SV2C: variants seen among roughly 807,000 people sequenced by gnomAD.
The protein encoded by SV2C is solute carrier family 22 member B3.
SV2C carries 49 observed loss-of-function variants against 79.7 expected under a neutral mutation model. The ratio of observed to expected loss-of-function variants is 0.61; its 90% CI spans 0.49 to 0.78. The LOEUF (loss-of-function observed/expected upper bound fraction) is 0.78. Among genes scored for constraint, SV2C ranks in the 30% least tolerant of loss-of-function variants. The pLI, the probability that SV2C is intolerant of heterozygous loss-of-function variation, is 0.00. For missense variants in SV2C, 833 were observed against 912.9 expected, an observed-to-expected ratio of 0.91 and a Z score of 1.13; for synonymous variants, 334 against 333.2, an observed-to-expected ratio of 1.00 and a Z score of -0.03.
chr5:76,301,507 T>C lies in SV2C; in HGVS notation c.1962T>C (p.Leu654=), dbSNP rs765130888. 20 of 1,614,020 alleles carry C rather than the reference T, an allele frequency of 1.2e-5. No individual in the cohort carries two copies. The highest frequency in any genetic ancestry group is 1.6e-5 in the Non-Finnish European group (19 of 1,179,976). ...TGACCATCTCAGCCTGGAACTCTCT[T>C]GACGTGGTCACTGTGGAACTGTACC... ...NGLTISAWNS[L]DVVTVELYPT... is the part of the protein sequence containing the mutation. The change falls in exon 12 of 13, where the codon CTT becomes CTC. Residue 654 remains leucine, a synonymous_variant. Coordinates refer to ENST00000502798, the MANE Select transcript of SV2C (RefSeq NM_014979.4).
intron 4 of SV2C, among the ~76,000 whole-genome samples, chr5:76,282,792 T>G (rs982742844): frequency 6.6e-6 from 1 of 152,032 alleles, no homozygotes; most frequent in East Asian, 1.9e-4. Flanking sequence ...GGCGGATCAC[T>G]TGAGGTCAGG....
intron 8 of SV2C, among the ~76,000 whole-genome samples, chr5:76,295,467 C>G (rs558193296): frequency 3.9e-5 from 6 of 152,274 alleles, no homozygotes; most frequent in Admixed American, 1.3e-4. Context: ...TTTGGAAGGA[C>G]ACATTCAGAC....
chr5:76,142,934 G>C lies in SV2C; in HGVS notation c.580+10604G>C, dbSNP rs1749305061. Among the ~76,000 whole-genome samples, 7 of 144,672 alleles carry C rather than the reference G, an allele frequency of 4.8e-5. No individual in the cohort carries two copies. In the South Asian group the frequency reaches 1.6e-3, roughly 32 times the overall value. The allele number at this position is 144,672 out of a possible 152,430, so 94.9% of individuals were successfully genotyped here. Reference sequence around the variant, plus strand: ...TTTTGAGACGGAGTCTTGCTCTGTTGCCAGGCTAGAGTGCAGTGGTGCAAT... The same window carrying C: ...TTTTGAGACGGAGTCTTGCTCTGTTCCCAGGCTAGAGTGCAGTGGTGCAAT... On this transcript the variant is annotated intron_variant, in intron 2 of 12. Coordinates refer to ENST00000502798, the MANE Select transcript of SV2C (RefSeq NM_014979.4).
chr5:76,305,737 T>C (rs759989833), intron 12 of SV2C, among the ~76,000 whole-genome samples: 2 of 152,244 alleles, frequency 1.3e-5, no homozygotes, highest in African/African-American at 2.4e-5. Flanking sequence ...TTCCATTCTG[T>C]AAATGCCATC....
At chr5:76,024,808 T>C in the SV2C span, among the ~76,000 whole-genome samples, 6 of 152,120 alleles carry the variant, frequency 3.9e-5, no homozygotes, top group South Asian at 1.2e-3. Context: ...TATATGCAGG[T>C]TTTTAATCTG....
the SV2C span, among the ~76,000 whole-genome samples, chr5:75,993,254 C>G: frequency 2.0e-5 from 3 of 151,972 alleles, no homozygotes; most frequent in East Asian, 5.8e-4. Flanking sequence ...AATGTTTCAA[C>G]AAAAATTTGT....
chr5:75,927,142 A>C, the SV2C span, among the ~76,000 whole-genome samples: 1 of 152,112 alleles, frequency 6.6e-6, no homozygotes, highest in Non-Finnish European at 1.5e-5. Context: ...GGAGCTATGG[A>C]TCCTATAGAT....
the SV2C span, among the ~76,000 whole-genome samples, chr5:75,959,672 A>G: frequency 6.6e-6 from 1 of 151,966 alleles, no homozygotes; most frequent in Non-Finnish European, 1.5e-5. Context: ...TATTAAATCC[A>G]CAGAGATGAC....
At chr5:76,165,006 A>T (rs1344708474) in intron 2 of SV2C, among the ~76,000 whole-genome samples, 1 of 140,106 alleles carries the variant, frequency 7.1e-6, no homozygotes, top group African/African-American at 2.5e-5. Context: ...CAAGAAAAAA[A>T]AGTCTGTACA....
chr5:76,128,148 T>C (rs1440105786), intron 1 of SV2C, among the ~76,000 whole-genome samples: 2 of 152,206 alleles, frequency 1.3e-5, no homozygotes, highest in African/African-American at 2.4e-5. Context: ...AGGAGCATCA[T>C]GTACTTAGAG....
chr5:76,018,389 A>G, the SV2C span, among the ~76,000 whole-genome samples: 5,190 of 152,216 alleles, frequency 0.034, 286 homozygotes, highest in African/African-American at 0.11. Flanking sequence ...TTTTCCTTCT[A>G]ATTTCAAAAA....
chr5:76,047,710 CT>C, the SV2C span, among the ~76,000 whole-genome samples: 1 of 151,278 alleles, frequency 6.6e-6, no homozygotes, highest in African/African-American at 2.4e-5. Context: ...TTCAAGAGAT[CT>C]ATTGTATAAC....
intron 2 of SV2C, among the ~76,000 whole-genome samples, chr5:76,135,232 G>A (rs745641919): frequency 7.9e-5 from 12 of 152,206 alleles, no homozygotes; most frequent in Non-Finnish European, 1.3e-4. Flanking sequence ...GCAGGATGGA[G>A]AAAGATGAAA....
At chr5:76,307,848 T>C (rs1748255500) in intron 12 of SV2C, among the ~76,000 whole-genome samples, 2 of 152,178 alleles carry the variant, frequency 1.3e-5, no homozygotes, top group Admixed American at 1.3e-4. Flanking sequence ...TTTCATTTAG[T>C]TCTTCTTTAT....
the SV2C span, among the ~76,000 whole-genome samples, chr5:75,929,189 A>G: frequency 6.6e-6 from 1 of 151,566 alleles, no homozygotes; most frequent in African/African-American, 2.4e-5. Context: ...CCCTGTGTCC[A>G]GGGTTGACTG....
At chr5:75,991,485 T>A in the SV2C span, among the ~76,000 whole-genome samples, 4 of 150,672 alleles carry the variant, frequency 2.7e-5, no homozygotes, top group Non-Finnish European at 5.9e-5. Context: ...CTGTCTTTAA[T>A]GGTCTTTATT....
chr5:76,190,233 C>A (rs1163134035), intron 2 of SV2C, among the ~76,000 whole-genome samples: 1 of 152,148 alleles, frequency 6.6e-6, no homozygotes, highest in Non-Finnish European at 1.5e-5. Flanking sequence ...GGTCTAGGGA[C>A]CACTGCAATG....
the SV2C span, among the ~76,000 whole-genome samples, chr5:75,969,362 T>A: frequency 6.6e-6 from 1 of 152,150 alleles, no homozygotes; most frequent in Non-Finnish European, 1.5e-5. Context: ...AGTTCTCCAA[T>A]TAAAAGACAC....
chr5:76,267,112 C>T (rs187747350), intron 4 of SV2C, among the ~76,000 whole-genome samples: 250 of 152,280 alleles, frequency 1.6e-3, no homozygotes, highest in African/African-American at 5.6e-3. Flanking sequence ...CCTGAACACA[C>T]GACATGTTTC....
Sources: gnomAD v4.1 joint callset for allele counts (sites outside exome capture counted in the v4.1 genomes callset) on GRCh38, gnomAD v4.1.1 for gene constraint, MANE v1.5 for transcripts, NCBI Gene and HGNC (gene_info 2026-07-23, HGNC 2026-07-21) for gene names.